The following SORCS1 variants were observed in gnomAD, a reference collection of about 807,000 sequenced individuals.
SORCS1 encodes the protein sortilin related VPS10 domain containing receptor 1.
In SORCS1, 60 loss-of-function variants were observed where a neutral mutation model predicts 146.1. The ratio of observed to expected loss-of-function variants is 0.41; its 90% CI spans 0.33 to 0.51. The LOEUF is 0.51. Among genes scored for constraint, SORCS1 ranks in the 20% least tolerant of loss-of-function variants. The pLI is 0.21. For missense variants in SORCS1, 1,352 were observed against 1,487.6 expected, an observed-to-expected ratio of 0.91 and a Z score of 1.50; for synonymous variants, 637 against 584.0, an observed-to-expected ratio of 1.09 and a Z score of -1.31.
chr10:106,612,962 C>G (rs1213099725), intron 21 of SORCS1, among the ~76,000 whole-genome samples: 1 of 152,160 alleles, frequency 6.6e-6, no homozygotes, highest in Non-Finnish European at 1.5e-5. Context: ...AGTTGAAGCA[C>G]TCCCTGGCTC....
intron 5 of SORCS1, among the ~76,000 whole-genome samples, chr10:106,758,314 T>C (rs10748926): frequency 0.21 from 32,175 of 152,094 alleles, 4,159 homozygotes; most frequent in East Asian, 0.47. Context: ...ATATGTACCA[T>C]TTACATGGGA....
rs529134010 is a variant in SORCS1, at chr10:106,612,001, C to G, written c.2943G>C (p.Leu981Phe). 2.4e-5 allele frequency: 39 copies of G among 1,614,086 alleles called. No individual in the cohort carries two copies. The South Asian group carries it at 4.1e-4, about 17-fold the overall frequency. ...AVYEEFRSLR[L>F]SFSPNLDDYN... ...AGTCATCCAGGTTTGGAGAAAAGGACAAGCGAAGAGACCGGAATTCCTCTG... is the reference window on the plus strand; with the variant it reads ...AGTCATCCAGGTTTGGAGAAAAGGAGAAGCGAAGAGACCGGAATTCCTCTG... Residue 981 changes from leucine to phenylalanine, a missense_variant, in exon 22 of 26, where the codon TTG becomes TTC. Around this residue, in one of 3 missense-constraint regions of SORCS1, gnomAD observed 648 missense variants for 793.8 expected, o/e 0.82. Transcript: ENST00000263054.
chr10:106,701,400 G>T (rs757056659), intron 8 of SORCS1, among the ~76,000 whole-genome samples: 4 of 152,142 alleles, frequency 2.6e-5, no homozygotes, highest in African/African-American at 7.2e-5. Context: ...AACTGAATAG[G>T]TGATGGGCAG....
At chr10:106,894,718 C>G (rs1449089147) in intron 2 of SORCS1, among the ~76,000 whole-genome samples, 2 of 152,068 alleles carry the variant, frequency 1.3e-5, no homozygotes, top group Non-Finnish European at 2.9e-5. Flanking sequence ...CATGTAGTAC[C>G]AGAAAAACAG....
At chr10:107,130,831 T>C (rs1262026693) in intron 1 of SORCS1, among the ~76,000 whole-genome samples, 1 of 152,008 alleles carries the variant, frequency 6.6e-6, no homozygotes, top group South Asian at 2.1e-4. Context: ...CAATGTACAA[T>C]CCAGTTGCGG....
chr10:106,970,338 T>TTTTTTTTTTTTTTTTTTTTTTTTTTTTTC (rs1955717043), intron 1 of SORCS1, among the ~76,000 whole-genome samples: 1 of 129,612 alleles, frequency 7.7e-6, no homozygotes, highest in African/African-American at 3.6e-5. Flanking sequence ...CAACATCTCT[T>TTTTTTTTTTTTTTTTTTTTTTTTTTTTTC]TTTTTTTTTT....
At chr10:106,622,214 C>T (rs1287192186) in intron 19 of SORCS1, among the ~76,000 whole-genome samples, 4 of 139,550 alleles carry the variant, frequency 2.9e-5, no homozygotes, top group East Asian at 2.4e-4. Context: ...TGCTTGAATC[C>T]GGGAAGCAGA....
intron 2 of SORCS1, among the ~76,000 whole-genome samples, chr10:106,909,347 T>C (rs897891351): frequency 1.3e-5 from 2 of 151,890 alleles, no homozygotes; most frequent in African/African-American, 4.8e-5. Context: ...CCTTGCAAAG[T>C]AGCTATAGGT....
chr10:106,867,485 G>A (rs187571712), intron 2 of SORCS1, among the ~76,000 whole-genome samples: 1,926 of 151,950 alleles, frequency 0.013, 22 homozygotes, highest in South Asian at 0.057. Context: ...GGGTTTCACC[G>A]TGTTAGCCAG....
chr10:106,978,396 C>A (rs537020530), intron 1 of SORCS1, among the ~76,000 whole-genome samples: 1 of 151,950 alleles, frequency 6.6e-6, no homozygotes, highest in African/African-American at 2.4e-5. Flanking sequence ...GTATGGAAAA[C>A]GATTATAGAT....
intron 1 of SORCS1, among the ~76,000 whole-genome samples, chr10:107,122,503 G>A (rs1381884753): frequency 6.6e-6 from 1 of 152,152 alleles, no homozygotes. Context: ...GAGTGTCTGT[G>A]CTTTTATCTG....
chr10:107,141,307 A>T (rs1215423770), intron 1 of SORCS1, among the ~76,000 whole-genome samples: 3 of 152,200 alleles, frequency 2.0e-5, no homozygotes, highest in African/African-American at 7.2e-5. Flanking sequence ...AGGGGCACAC[A>T]CACATTATTT....
rs1442617559 is a variant in SORCS1, at chr10:107,164,498, G to C, written c.29C>G (p.Ser10Cys). 7.4e-7 allele frequency: 1 copy of C among 1,351,410 alleles called. No homozygotes were observed. Among genetic ancestry groups the C allele is most frequent in the Non-Finnish European group, 9.4e-7 (1 of 1,059,094 alleles). 83.7% of individuals were successfully genotyped at this position (1,351,410 alleles called of 1,614,324 possible). Residue 10 changes from serine (S) to cysteine (C), a missense_variant, in exon 1 of 26, where the codon TCC becomes TGC. Ser to Cys is a moderately radical substitution (Grantham distance 112). Around this residue, in one of 3 missense-constraint regions of SORCS1, gnomAD observed 490 missense variants for 489.1 expected, o/e 1.00. Transcript: ENST00000263054. This position sits in a 1 kb window ranked among gnomAD's most constrained non-coding sequence, Gnocchi z 6.8. ...GAGGAGCGCGCTCAGCCGGGCTTGG[G>C]AGCCGCCGCCGGCGCCAACTTTTCC... MGKVGAGGGSQARLSALLAG... is the reference protein window; with the variant it reads MGKVGAGGGCQARLSALLAG...
At chr10:107,098,706 G>T (rs1964706492) in intron 1 of SORCS1, among the ~76,000 whole-genome samples, 1 of 152,176 alleles carries the variant, frequency 6.6e-6, no homozygotes, top group Non-Finnish European at 1.5e-5. Flanking sequence ...TTAGTTCCTT[G>T]AAGATATTGC....
At chr10:107,025,557 T>C (rs1329162667) in intron 1 of SORCS1, among the ~76,000 whole-genome samples, 1 of 152,192 alleles carries the variant, frequency 6.6e-6, no homozygotes, top group South Asian at 2.1e-4. Flanking sequence ...ATAGAGAAGA[T>C]GAAGCAAATC....
At chr10:107,158,230 A>C (rs1969439772) in intron 1 of SORCS1, among the ~76,000 whole-genome samples, 1 of 152,234 alleles carries the variant, frequency 6.6e-6, no homozygotes, top group African/African-American at 2.4e-5. Context: ...TTATTTTCCT[A>C]CTGGGCTTGG....
Position 106,960,383 on chromosome 10 carries a change from G to A in SORCS1, c.559-3803C>T, listed in dbSNP as rs920826566. 2.6e-5 allele frequency among the ~76,000 whole-genome samples: 4 copies of A among 151,708 alleles called. No homozygotes were observed. Among genetic ancestry groups the A allele is most frequent in the Non-Finnish European group, 5.9e-5 (4 of 67,912 alleles). On this transcript the variant is annotated intron_variant, in intron 1 of 25. Coordinates refer to ENST00000263054, the MANE Select transcript of SORCS1 (RefSeq NM_052918.5). The surrounding 1 kb of genome is among the most constrained non-coding windows in gnomAD (Gnocchi z 4.4). ...ACAACTTTTGGGAGGAACTTCACTT[G>A]GTCCATACGTTTTCTCTTTTTCTTT... is the stretch of plus-strand genomic sequence containing the variant.
At chr10:106,600,606 G>A (rs924486343) in intron 23 of SORCS1, 4 of 984,858 alleles carry the variant, frequency 4.1e-6, no homozygotes, top group African/African-American at 1.7e-5. Flanking sequence ...TATTCTAAAG[G>A]ACATTATATA....
intron 2 of SORCS1, among the ~76,000 whole-genome samples, chr10:106,832,183 T>C (rs1253465909): frequency 9.5e-6 from 1 of 104,964 alleles, no homozygotes; most frequent in South Asian, 3.2e-4. Flanking sequence ...TGTTTTCGCT[T>C]TTTTTTTTTT....
Sources: allele counts gnomAD v4.1 joint callset (sites outside exome capture counted in the v4.1 genomes callset), GRCh38; gene constraint gnomAD v4.1.1; regional missense constraint gnomAD v4.1.1; non-coding constraint Gnocchi (gnomAD v3.1); transcripts MANE v1.5; gene names NCBI Gene and HGNC (gene_info 2026-07-23, HGNC 2026-07-21).